PRSS23: variants seen among roughly 807,000 people sequenced by gnomAD.
PRSS23 encodes protease, serine 23.
A neutral mutation model predicts 34.7 loss-of-function variants in PRSS23; 25 were observed. The ratio of observed to expected loss-of-function variants is 0.72; its 90% CI spans 0.53 to 1.01. The LOEUF is 1.01. Ranked by LOEUF, PRSS23 falls within the 50% of genes least tolerant of loss-of-function variation. PRSS23 has a pLI of 0.00. For synonymous variants in PRSS23, 176 were observed against 186.6 expected (o/e 0.94, Z 0.46); for missense variants, 445 against 475.6 (o/e 0.94, Z 0.60).
intron 2 of PRSS23, among the ~76,000 whole-genome samples, chr11:86,877,994 T>G (rs1255185001): frequency 1.3e-5 from 2 of 152,124 alleles, no homozygotes; most frequent in Admixed American, 6.5e-5. Context: ...ACAGGATGTC[T>G]TTCCATTTAT....
chr11:86,848,125 T>C (rs1029950694), intron 2 of PRSS23, among the ~76,000 whole-genome samples: 2 of 152,218 alleles, frequency 1.3e-5, no homozygotes, highest in African/African-American at 4.8e-5. Context: ...CACTCTCAAA[T>C]TTAAAACAAA....
downstream of PRSS23, among the ~76,000 whole-genome samples, chr11:86,815,543 A>C (rs964336580): frequency 6.6e-6 from 1 of 152,236 alleles, no homozygotes; most frequent in Admixed American, 6.5e-5. Context: ...AACACATCCC[A>C]GAATAAAACT....
At position 86,808,831 on chromosome 11, in the gene PRSS23, C is replaced by T; in HGVS notation, c.*36C>T. 2 of 1,545,392 alleles carry T rather than the reference C, an allele frequency of 1.3e-6. No individual in the cohort carries two copies. The highest frequency in any genetic ancestry group is 1.8e-6 in the Non-Finnish European group (2 of 1,141,844). ...CCTCCTGGCAGCAATTAAGGGTCTTCATGTTCTTATTTTAGGAGAGGCCAA... is the reference window on the plus strand; with the variant it reads ...CCTCCTGGCAGCAATTAAGGGTCTTTATGTTCTTATTTTAGGAGAGGCCAA... On this transcript the variant is annotated 3_prime_UTR_variant, in exon 2 of 2. Coordinates refer to ENST00000280258, the MANE Select transcript of PRSS23 (RefSeq NM_007173.6).
At chr11:86,899,431 A>T (rs940836259) in intron 2 of PRSS23, among the ~76,000 whole-genome samples, 2 of 151,962 alleles carry the variant, frequency 1.3e-5, no homozygotes, top group African/African-American at 4.8e-5. Flanking sequence ...AGGCGAGAGG[A>T]TCACCTGAGA....
At chr11:86,879,148 T>G (rs1354592910) in intron 2 of PRSS23, among the ~76,000 whole-genome samples, 10 of 116,800 alleles carry the variant, frequency 8.6e-5, no homozygotes, top group Admixed American at 2.6e-4. Context: ...GAGCGCCTCT[T>G]CCCGGCCGCC....
At chr11:86,847,154 G>T (rs183093256) in intron 2 of PRSS23, among the ~76,000 whole-genome samples, 5 of 152,328 alleles carry the variant, frequency 3.3e-5, no homozygotes, top group Non-Finnish European at 7.4e-5. Flanking sequence ...GAAGGCTAAA[G>T]TACAGCAGCT....
At chr11:86,943,415 A>G (rs1483057679) in intron 2 of PRSS23, among the ~76,000 whole-genome samples, 1 of 152,156 alleles carries the variant, frequency 6.6e-6, no homozygotes, top group East Asian at 1.9e-4. Flanking sequence ...GCCTGAGGTC[A>G]GGAGTTCAAG....
At chr11:86,924,066 G>A (rs577566772) in intron 2 of PRSS23, among the ~76,000 whole-genome samples, 2 of 152,322 alleles carry the variant, frequency 1.3e-5, no homozygotes, top group Admixed American at 6.5e-5. Context: ...AGCAGTAAAT[G>A]TAGGGAGGCT....
chr11:86,941,893 A>C (rs138984639), intron 2 of PRSS23, among the ~76,000 whole-genome samples: 1 of 152,102 alleles, frequency 6.6e-6, no homozygotes, highest in Non-Finnish European at 1.5e-5. Flanking sequence ...CAGTTTCTCC[A>C]TCTAACAAGG....
intron 2 of PRSS23, chr11:86,857,571 A>C: frequency 2.1e-6 from 1 of 484,530 alleles, no homozygotes; most frequent in Non-Finnish European, 4.2e-6. Flanking sequence ...AAGGACACCA[A>C]AACTAAGAAG....
intron 2 of PRSS23, among the ~76,000 whole-genome samples, chr11:86,894,806 C>T (rs1948864021): frequency 6.6e-6 from 1 of 152,160 alleles, no homozygotes; most frequent in African/African-American, 2.4e-5. Context: ...TTGATGTATG[C>T]CCTTCTTCCT....
chr11:86,878,420 G>C (rs1043637487), intron 2 of PRSS23, among the ~76,000 whole-genome samples: 2 of 152,050 alleles, frequency 1.3e-5, no homozygotes, highest in Non-Finnish European at 2.9e-5. Context: ...GCGCCGCCAC[G>C]CCTGACTGCT....
intron 2 of PRSS23, among the ~76,000 whole-genome samples, chr11:86,873,540 C>T (rs887494166): frequency 8.6e-5 from 13 of 151,978 alleles, no homozygotes; most frequent in Admixed American, 6.6e-4. Context: ...ACCTCAGCCT[C>T]CCAAAGTGTT....
chr11:86,827,809 A>T (rs902424819), intron 2 of PRSS23, among the ~76,000 whole-genome samples: 3 of 152,032 alleles, frequency 2.0e-5, no homozygotes, highest in Admixed American at 6.6e-5. Context: ...TGGTTTTGAG[A>T]GAGTTTCTTA....
At chr11:86,952,577 T>A in exon 3 of PRSS23, 1 of 1,285,782 alleles carries the variant, frequency 7.8e-7, no homozygotes, top group Non-Finnish European at 1.1e-6. Context: ...TCTAGGTATC[T>A]ACTTTTAAAC....
chr11:86,920,048 G>C (rs1027321525), intron 2 of PRSS23, among the ~76,000 whole-genome samples: 2 of 152,210 alleles, frequency 1.3e-5, no homozygotes, highest in African/African-American at 4.8e-5. Flanking sequence ...GGTGAGGTCT[G>C]CGGTTTGGTG....
At chr11:86,922,309 C>A (rs1047412662) in intron 2 of PRSS23, among the ~76,000 whole-genome samples, 1 of 152,020 alleles carries the variant, frequency 6.6e-6, no homozygotes, top group Admixed American at 6.6e-5. Context: ...AATTACTTAA[C>A]CACTCTCAAC....
In PRSS23 at chr11:86,809,032, T is replaced by C. The variant is rs1232939594; in HGVS notation, c.*237T>C. Reference sequence around the variant, plus strand: ...AGCAGTTTGAAGGCATACTTTTGCATAGAAATAAAAAAAATACTGATTTGG... The same window carrying C: ...AGCAGTTTGAAGGCATACTTTTGCACAGAAATAAAAAAAATACTGATTTGG... On this transcript the variant is annotated 3_prime_UTR_variant, in exon 2 of 2. Transcript: ENST00000280258. The C allele has an allele frequency of 7.7e-6, 3 of 390,392 alleles. No individual in the cohort carries two copies. In the East Asian group the frequency reaches 1.2e-4, roughly 15 times the overall value. 24.2% of individuals were successfully genotyped at this position (390,392 alleles called of 1,614,324 possible). A position where few individuals can be genotyped will look rare whatever the true frequency, so the allele number is the denominator to read the frequency against.
Position 86,823,676 on chromosome 11 carries a change from T to G in PRSS23, c.206+83T>G, listed in dbSNP as rs1034692105. On this transcript the variant is annotated intron_variant, in intron 2 of 2. Coordinates refer to the PRSS23 transcript ENST00000533902. The stretch of plus-strand genomic sequence containing the variant: ...ATGTTTCCACATTTTCTAATGCATT[T>G]TAACGGAGCAAAGCAATGTCACATT... 8.8e-6 allele frequency: 6 copies of G among 685,172 alleles called. No homozygotes were observed. In the African/African-American group the frequency reaches 1.1e-4, roughly 12 times the overall value. The allele number at this position is 685,172 out of a possible 1,614,324, so 42.4% of individuals were successfully genotyped here.
Sources: gnomAD v4.1 joint callset for allele counts (sites outside exome capture counted in the v4.1 genomes callset) on GRCh38, gnomAD v4.1.1 for gene constraint, MANE v1.5 for transcripts, NCBI Gene and HGNC (gene_info 2026-07-23, HGNC 2026-07-21) for gene names.